The following PXDN variants were observed in gnomAD, a reference collection of about 807,000 sequenced individuals.
The protein encoded by PXDN is peroxidasin, also known as peroxidasin homolog.
In PXDN, 77 loss-of-function variants were observed where a neutral mutation model predicts 140.3. The ratio of observed to expected loss-of-function variants is 0.55; its 90% CI spans 0.46 to 0.66. The LOEUF is 0.66. Ranked by LOEUF, PXDN falls within the 30% of genes least tolerant of loss-of-function variation. PXDN has a pLI of 0.00. For synonymous variants in PXDN, 911 were observed against 857.4 expected, an observed-to-expected ratio of 1.06 and a Z score of -1.09; for missense variants, 1,838 against 2,039.5, an observed-to-expected ratio of 0.90 and a Z score of 1.90.
chr2:1,711,630 C>CCA (rs1187558216), intron 1 of PXDN, among the ~76,000 whole-genome samples: 24 of 91,124 alleles, frequency 2.6e-4, no homozygotes, highest in South Asian at 7.4e-4. Context: ...CCACCAGCAC[C>CCA]CGCTCCACCA....
At chr2:1,663,824 G>T in intron 11 of PXDN, 61 bp from the exon 12 acceptor site, 1 of 1,574,764 alleles carries the variant, frequency 6.4e-7, no homozygotes, top group Non-Finnish European at 8.6e-7. Flanking sequence ...CCTGCTCTCA[G>T]ACTGACAGCA....
intron 7 of PXDN, among the ~76,000 whole-genome samples, chr2:1,679,793 G>GGT (rs1278121120): frequency 7.2e-6 from 1 of 138,388 alleles, no homozygotes; most frequent in African/African-American, 2.8e-5. Flanking sequence ...GTCTATAAAT[G>GGT]GTGTGTGTAA....
At chr2:1,699,804 A>G (rs1409453295) in intron 1 of PXDN, among the ~76,000 whole-genome samples, 1 of 152,218 alleles carries the variant, frequency 6.6e-6, no homozygotes, top group South Asian at 2.1e-4. Context: ...CGGTTCGAGA[A>G]CGAAAATTAT....
At chr2:1,671,087 T>TAAAA (rs530097193) in intron 9 of PXDN, among the ~76,000 whole-genome samples, 1,679 of 148,080 alleles carry the variant, frequency 0.011, 36 homozygotes, top group African/African-American at 0.04. Flanking sequence ...TTTATAGGTT[T>TAAAA]AAAAAAAAAA....
chr2:1,728,503 A>C (rs1281262339), intron 1 of PXDN, among the ~76,000 whole-genome samples: 1 of 152,238 alleles, frequency 6.6e-6, no homozygotes, highest in Non-Finnish European at 1.5e-5. Flanking sequence ...GAAAAATCGG[A>C]GTCACCTGAT....
intron 1 of PXDN, among the ~76,000 whole-genome samples, chr2:1,737,961 C>T (rs1028394388): frequency 6.6e-6 from 1 of 152,198 alleles, no homozygotes; most frequent in Non-Finnish European, 1.5e-5. Context: ...CATGCAGCCA[C>T]CCACTAACAT....
At position 1,714,059 on chromosome 2, in the gene PXDN, C is replaced by A. The variant is rs938106599; in HGVS notation, c.201-20925G>T. Among the ~76,000 whole-genome samples the A allele has an allele frequency of 6.6e-6, 1 of 152,164 alleles. No homozygotes were observed. Among genetic ancestry groups the A allele is most frequent in the African/African-American group, 2.4e-5 (1 of 41,444 alleles). On this transcript the variant is annotated intron_variant, in intron 1 of 22. Coordinates refer to ENST00000252804, the MANE Select transcript of PXDN (RefSeq NM_012293.3). This position sits in a 1 kb window ranked among gnomAD's most constrained non-coding sequence, Gnocchi z 4.3. The stretch of plus-strand genomic sequence containing the variant: ...CAACCTACGATAATATTGGCACTGG[C>A]GGCTTTGGAAATGGCCTTCGGATAA...
chr2:1,703,369 T>A (rs948219700), intron 1 of PXDN, among the ~76,000 whole-genome samples: 2 of 13,924 alleles, frequency 1.4e-4, no homozygotes, highest in Non-Finnish European at 2.5e-4. Flanking sequence ...CAGCTCCAGG[T>A]GAAGTGGGGG....
chr2:1,703,269 G>A (rs1347370189), intron 1 of PXDN, among the ~76,000 whole-genome samples: 1 of 4,732 alleles, frequency 2.1e-4, no homozygotes, highest in Non-Finnish European at 6.5e-4. Context: ...GTGAAGGTAG[G>A]GGGCAACTCC....
chr2:1,648,281 T>A lies in PXDN; in HGVS notation c.3499A>T (p.Ile1167Phe). Residue 1167 changes from isoleucine to phenylalanine, a missense_variant, in exon 17 of 23, where the codon ATC (isoleucine) becomes TTC (phenylalanine). Around this residue, in one of 5 missense-constraint regions of PXDN, gnomAD observed 850 missense variants for 894.1 expected, o/e 0.95. Transcript: ENST00000252804. The surrounding 1 kb of genome is among the most constrained non-coding windows in gnomAD (Gnocchi z 8.9). ...ACCCTGTAGTCGTGGTAGGGTGGGA[T>A]CCCGTGGTCCCGGCCCCGCTGGATG... Reference protein sequence around the residue: ...INIQRGRDHGIPPYHDYRVYC... With the variant: ...INIQRGRDHGFPPYHDYRVYC... 1 of 1,613,856 alleles carries A rather than the reference T, an allele frequency of 6.2e-7. No individual in the cohort carries two copies.
intron 3 of PXDN, among the ~76,000 whole-genome samples, 175 bp downstream of exon 3, chr2:1,691,753 T>C (rs1684186987): frequency 6.6e-6 from 1 of 152,224 alleles, no homozygotes; most frequent in Non-Finnish European, 1.5e-5. Flanking sequence ...GCACTTTATA[T>C]CACTGACAAG....
At position 1,660,970 on chromosome 2, in the gene PXDN, T is replaced by A; in HGVS notation, c.1748A>T (p.Asp583Val). 1 of 1,614,004 alleles carries A rather than the reference T, an allele frequency of 6.2e-7. No individual in the cohort carries two copies. The highest frequency in any genetic ancestry group is 8.5e-7 in the Non-Finnish European group (1 of 1,179,892). The change falls in exon 14 of 23, where the codon GAC becomes GTC. Residue 583 changes from aspartate to valine, a missense_variant. This residue lies in a region of PXDN where 537 missense variants were observed against 583.9 expected (regional missense o/e 0.92). Transcript: ENST00000252804. This position sits in a 1 kb window ranked among gnomAD's most constrained non-coding sequence, Gnocchi z 4.6. ...ISPEGFLTIN[D>V]VGPADAGRYE... Reference sequence around the variant, plus strand: ...GCGACCTGCGTCTGCAGGGCCAACGTCATTGATGGTCAAGAATCCTTCAGG... The same window carrying A: ...GCGACCTGCGTCTGCAGGGCCAACGACATTGATGGTCAAGAATCCTTCAGG...
At chr2:1,728,509 C>G (rs1685241476) in intron 1 of PXDN, among the ~76,000 whole-genome samples, 1 of 152,254 alleles carries the variant, frequency 6.6e-6, no homozygotes, top group South Asian at 2.1e-4. Context: ...TCGGAGTCAC[C>G]TGATACCCAG....
rs1370236173 is a variant in PXDN, at chr2:1,648,360, C to A, written c.3420G>T (p.Thr1140=). 1.2e-6 allele frequency: 2 copies of A among 1,613,574 alleles called. No homozygotes were observed. The highest frequency in any genetic ancestry group is 8.5e-7 in the Non-Finnish European group (1 of 1,179,902). The change falls in exon 17 of 23, where the codon ACG becomes ACT. Residue 1140 remains threonine, a synonymous_variant. Coordinates refer to ENST00000252804, the MANE Select transcript of PXDN (RefSeq NM_012293.3). The surrounding 1 kb of genome is among the most constrained non-coding windows in gnomAD (Gnocchi z 8.9). The part of the protein sequence containing the change: ...VPSQLLNTEL[T]ERLFSMAHTV... Reference sequence around the variant, plus strand: ...TGTGTGCCATGGAGAACAGCCGCTCCGTGAGCTCCGTGTTCAGCAGCTGCG... The same window carrying A: ...TGTGTGCCATGGAGAACAGCCGCTCAGTGAGCTCCGTGTTCAGCAGCTGCG...
intron 1 of PXDN, among the ~76,000 whole-genome samples, chr2:1,694,548 G>A (rs1018038477): frequency 2.0e-5 from 3 of 152,210 alleles, no homozygotes; most frequent in African/African-American, 2.4e-5. Flanking sequence ...ATCATTCCAC[G>A]CCGTGCCCTC....
intron 6 of PXDN, among the ~76,000 whole-genome samples, chr2:1,683,074 TA>T (rs1465533712): frequency 6.6e-6 from 1 of 152,014 alleles, no homozygotes; most frequent in Non-Finnish European, 1.5e-5. Context: ...TTGATGAATT[TA>T]AAGACGATTT....
At chr2:1,705,211 C>A (rs1684565167) in intron 1 of PXDN, among the ~76,000 whole-genome samples, 1 of 152,080 alleles carries the variant, frequency 6.6e-6, no homozygotes, top group African/African-American at 2.4e-5. Flanking sequence ...GGGCCCTGGG[C>A]CTCCCCTGAG....
chr2:1,739,568 G>A (rs1270505177), intron 1 of PXDN, among the ~76,000 whole-genome samples: 7 of 152,188 alleles, frequency 4.6e-5, no homozygotes, highest in African/African-American at 1.4e-4. Context: ...TGGCACTCAT[G>A]TAGTCACATA....
At chr2:1,729,030 G>A (rs1232329033) in intron 1 of PXDN, among the ~76,000 whole-genome samples, 1 of 59,554 alleles carries the variant, frequency 1.7e-5, no homozygotes, top group Non-Finnish European at 5.2e-5. Context: ...CTCCCAGTGC[G>A]GGGCCCGGTG....
Sources: gnomAD v4.1 joint callset for allele counts (sites outside exome capture counted in the v4.1 genomes callset) on GRCh38, gnomAD v4.1.1 for gene constraint, gnomAD v4.1.1 regional missense constraint, Gnocchi (gnomAD v3.1) non-coding constraint, MANE v1.5 for transcripts, NCBI Gene and HGNC (gene_info 2026-07-23, HGNC 2026-07-21) for gene names.